The following HERC4 variants were observed in gnomAD, a reference collection of about 807,000 sequenced individuals.
The protein encoded by HERC4 is HECT and RLD domain containing E3 ubiquitin protein ligase 4, also known as probable E3 ubiquitin-protein ligase HERC4.
A neutral mutation model predicts 124.3 loss-of-function variants in HERC4; 28 were observed. The observed-to-expected ratio is 0.23, with a 90% CI of 0.17 to 0.31. The LOEUF is 0.31. Among genes scored for constraint, HERC4 ranks in the 10% least tolerant of loss-of-function variants. HERC4 has a pLI of 1.00. For synonymous variants in HERC4, 407 were observed against 421.5 expected, an observed-to-expected ratio of 0.97 and a Z score of 0.42; for missense variants, 713 against 1,229.3, an observed-to-expected ratio of 0.58 and a Z score of 6.28.
chr10:67,993,351 A>AG (rs1276178022), intron 9 of HERC4: 1 of 151,952 alleles, frequency 6.6e-6, no homozygotes, highest in East Asian at 1.9e-4. Flanking sequence ...CCTCAAAAAA[A>AG]AAAAAAAAAG....
chr10:67,926,117 G>A (rs765166433), intron 23 of HERC4, among the ~76,000 whole-genome samples: 14 of 152,076 alleles, frequency 9.2e-5, no homozygotes, highest in South Asian at 4.1e-4. Context: ...AGTACTGGCC[G>A]GGCGCGGTGG....
At chr10:67,934,962 T>C (rs1166757950) in intron 22 of HERC4, among the ~76,000 whole-genome samples, 1 of 147,338 alleles carries the variant, frequency 6.8e-6, no homozygotes, top group Admixed American at 6.7e-5. Flanking sequence ...TTCTTTCAAA[T>C]GAGTTTTTTT....
At chr10:68,039,602 G>C (rs2039659933) in intron 4 of HERC4, 1 of 1,453,734 alleles carries the variant, frequency 6.9e-7, no homozygotes, top group African/African-American at 1.4e-5. Flanking sequence ...AAACCTGAGA[G>C]CTGTACTGCT....
At chr10:68,039,035 G>A (rs1037032993) in intron 4 of HERC4, among the ~76,000 whole-genome samples, 5 of 151,910 alleles carry the variant, frequency 3.3e-5, no homozygotes, top group African/African-American at 1.2e-4. Context: ...CGGATTACAG[G>A]TGGGTTACTG....
intron 8 of HERC4, among the ~76,000 whole-genome samples, chr10:68,024,301 G>A (rs2038792371): frequency 6.6e-6 from 1 of 152,072 alleles, no homozygotes; most frequent in Non-Finnish European, 1.5e-5. Context: ...AGAGCATCAG[G>A]AATTCTCATA....
At chr10:67,972,974 A>G (rs1307891946) in intron 15 of HERC4, among the ~76,000 whole-genome samples, 2 of 152,228 alleles carry the variant, frequency 1.3e-5, no homozygotes, top group Admixed American at 1.3e-4. Context: ...TGTATTCTTA[A>G]GAGATGAAAG....
In HERC4 at chr10:67,922,307, T is replaced by C. The variant is rs535727385; in HGVS notation, c.*624A>G. ...AAAGAACTGCAGGTTATGTAGTATA[T>C]TCCCTATCTGTGATTTAGGTTTGCA... On this transcript the variant is annotated 3_prime_UTR_variant, in exon 25 of 25. Transcript: ENST00000373700. The C allele has an allele frequency of 6.6e-6, 1 of 152,310 alleles. No homozygotes were observed. Among genetic ancestry groups the C allele is most frequent in the East Asian group, 1.9e-4 (1 of 5,186 alleles). The allele number at this position is 152,310 out of a possible 1,614,324, so 9.4% of individuals were successfully genotyped here.
chr10:67,943,626 C>T (rs1263892307), intron 19 of HERC4, among the ~76,000 whole-genome samples: 1 of 152,116 alleles, frequency 6.6e-6, no homozygotes, highest in Non-Finnish European at 1.5e-5. Context: ...GAGCCTGAAC[C>T]AGAGGGTCTG....
At chr10:67,947,598 A>G (rs960176405) in intron 19 of HERC4, among the ~76,000 whole-genome samples, 9 of 152,302 alleles carry the variant, frequency 5.9e-5, no homozygotes, top group African/African-American at 1.2e-4. Flanking sequence ...TTATAAACCA[A>G]TAAGACCTAT....
At chr10:67,948,408 A>G (rs1042199399) in intron 19 of HERC4, among the ~76,000 whole-genome samples, 1 of 151,630 alleles carries the variant, frequency 6.6e-6, no homozygotes, top group East Asian at 1.9e-4. Flanking sequence ...TGGCAAAAAG[A>G]AAAAAAAAGA....
In HERC4 at chr10:68,009,413, C is replaced by G. The variant is rs369386244; in HGVS notation, c.1069+4613G>C. ...TACAGGCATGAGCCACTGTGCCAGG[C>G]CAATATACTGTAGTCTATTAAGTGT... On this transcript the variant is annotated intron_variant, in intron 9 of 24. Coordinates refer to ENST00000373700, the MANE Select transcript of HERC4 (RefSeq NM_015601.4). 4.7e-4 allele frequency among the ~76,000 whole-genome samples: 72 copies of G among 152,016 alleles called. 1 individual carries two copies. In the East Asian group the frequency reaches 8.9e-3, roughly 19 times the overall value.
intron 19 of HERC4, among the ~76,000 whole-genome samples, chr10:67,943,929 TAGAA>T (rs1564936608): frequency 6.6e-5 from 10 of 152,186 alleles, no homozygotes; most frequent in Admixed American, 5.2e-4. Flanking sequence ...ACGGCCACAG[TAGAA>T]CAGAGCACCA....
chr10:67,968,480 C>T (rs1486511520), intron 15 of HERC4, among the ~76,000 whole-genome samples: 1 of 151,594 alleles, frequency 6.6e-6, no homozygotes, highest in East Asian at 1.9e-4. Context: ...TCATGCCATT[C>T]TCCTGCCACA....
chr10:68,022,733 A>T (rs1001601668), intron 8 of HERC4, among the ~76,000 whole-genome samples: 1 of 151,958 alleles, frequency 6.6e-6, no homozygotes. Context: ...ATCAAAAGAC[A>T]CTATCTATAG....
At chr10:67,977,433 C>G (rs954772473) in intron 15 of HERC4, among the ~76,000 whole-genome samples, 1 of 152,164 alleles carries the variant, frequency 6.6e-6, no homozygotes, top group East Asian at 1.9e-4. Context: ...GGTACAAAGG[C>G]CTTGAGTGAG....
intron 9 of HERC4, among the ~76,000 whole-genome samples, chr10:68,002,599 CTT>C (rs375700847): frequency 3.8e-5 from 5 of 132,578 alleles, no homozygotes; most frequent in Admixed American, 8.2e-5. Flanking sequence ...TAAATTTTTA[CTT>C]TTTTTTTTTT....
At chr10:68,059,832 ATATAT>A (rs1204989140) in intron 3 of HERC4, among the ~76,000 whole-genome samples, 4 of 58,618 alleles carry the variant, frequency 6.8e-5, no homozygotes, top group Non-Finnish European at 4.6e-5. Context: ...TCATAATATT[ATATAT>A]TATAATATAT....
chr10:67,985,523 T>G (rs1466076071), intron 15 of HERC4, among the ~76,000 whole-genome samples: 1 of 152,216 alleles, frequency 6.6e-6, no homozygotes, highest in African/African-American at 2.4e-5. Context: ...TGAGTATGTT[T>G]TATCTGTTTG....
chr10:68,044,272 T>A lies in HERC4; in HGVS notation c.386+132A>T, dbSNP rs2039911442. The A allele has an allele frequency of 5.2e-6, 4 of 766,946 alleles. No homozygotes were observed. The East Asian group carries it at 1.2e-4, about 22-fold the overall frequency. 47.5% of individuals were successfully genotyped at this position (766,946 alleles called of 1,614,324 possible). ...AACATCATAAGCAAGAACCAAACTC[T>A]TATCAAAGGACTCAAAGGGGAGAAA... On this transcript the variant is annotated intron_variant, in intron 4 of 24. Coordinates refer to ENST00000373700, the MANE Select transcript of HERC4 (RefSeq NM_015601.4).
Sources: allele counts gnomAD v4.1 joint callset (sites outside exome capture counted in the v4.1 genomes callset), GRCh38; gene constraint gnomAD v4.1.1; transcripts MANE v1.5; gene names NCBI Gene and HGNC (gene_info 2026-07-23, HGNC 2026-07-21).